KCTD8: variants seen among roughly 807,000 people sequenced by gnomAD.
The protein encoded by KCTD8 is potassium channel tetramerization domain containing 8, also known as BTB/POZ domain-containing protein KCTD8.
A neutral mutation model predicts 31.5 loss-of-function variants in KCTD8; 27 were observed. The observed-to-expected ratio is 0.86, with a 90% confidence interval of 0.63 to 1.18. The LOEUF (loss-of-function observed/expected upper bound fraction) is 1.18, where lower values mean the gene tolerates loss of function less well. KCTD8 is among the 50% of genes most tolerant of loss of function. The probability of loss-of-function intolerance (pLI) is 0.00; values close to 1 mark genes in which losing one functional copy is unlikely to be tolerated. For missense variants in KCTD8, 658 were observed against 647.7 expected, an observed-to-expected ratio of 1.02 and a Z score of -0.17; for synonymous variants, 290 against 280.0, an observed-to-expected ratio of 1.04 and a Z score of -0.36.
At chr4:44,182,100 C>A (rs1040641691) in intron 1 of KCTD8, among the ~76,000 whole-genome samples, 9 of 151,984 alleles carry the variant, frequency 5.9e-5, no homozygotes, top group African/African-American at 2.2e-4. Context: ...CGCCCGACAG[C>A]CGCCCCGTCC....
At chr4:44,410,778 G>A (rs1455677613) in intron 1 of KCTD8, among the ~76,000 whole-genome samples, 1 of 152,042 alleles carries the variant, frequency 6.6e-6, no homozygotes, top group African/African-American at 2.4e-5. Flanking sequence ...AACAGCATAG[G>A]AAGACCTGCC....
intron 1 of KCTD8, among the ~76,000 whole-genome samples, chr4:44,191,070 A>C (rs1435347893): frequency 6.6e-6 from 1 of 152,164 alleles, no homozygotes; most frequent in Non-Finnish European, 1.5e-5. Context: ...GAGGAACAAA[A>C]ATTGTGAAGA....
chr4:44,355,719 C>T (rs1302495027), intron 1 of KCTD8, among the ~76,000 whole-genome samples: 2 of 152,018 alleles, frequency 1.3e-5, no homozygotes, highest in Non-Finnish European at 1.5e-5. Context: ...CCAATCTCTT[C>T]GTGAAAATTA....
intron 1 of KCTD8, among the ~76,000 whole-genome samples, chr4:44,360,464 C>G (rs1289534704): frequency 6.6e-6 from 1 of 151,860 alleles, no homozygotes; most frequent in Non-Finnish European, 1.5e-5. Context: ...AAAATAAAAT[C>G]CAAGTTGCCA....
At chr4:44,346,045 T>TTTAACAAG (rs1435702693) in intron 1 of KCTD8, among the ~76,000 whole-genome samples, 1 of 152,176 alleles carries the variant, frequency 6.6e-6, no homozygotes, top group Non-Finnish European at 1.5e-5. Flanking sequence ...ATGCTGTAAT[T>TTTAACAAG]TTAACAAGTT....
chr4:44,175,207 A>G lies in KCTD8; in HGVS notation c.1005T>C (p.Asp335=), dbSNP rs780664122. The G allele has an allele frequency of 1.9e-6, 3 of 1,603,140 alleles. No individual in the cohort carries two copies. The highest frequency in any genetic ancestry group is 1.3e-5 in the African/African-American group (1 of 74,420). The part of the protein sequence containing the change: ...KIVSPKQEHE[D]RKHDKVTDKG... Reference sequence around the variant, plus strand: ...TATCAGTGACTTTGTCATGTTTCCTATCTTCATGTTCTTGTTTAGGTGATA... The same window carrying G: ...TATCAGTGACTTTGTCATGTTTCCTGTCTTCATGTTCTTGTTTAGGTGATA... Residue 335 remains aspartate (D), a synonymous_variant, in exon 2 of 2, where the codon GAT becomes GAC. Coordinates refer to ENST00000360029, the MANE Select transcript of KCTD8 (RefSeq NM_198353.3).
chr4:44,360,096 A>T (rs532668581), intron 1 of KCTD8, among the ~76,000 whole-genome samples: 1 of 152,146 alleles, frequency 6.6e-6, no homozygotes, highest in African/African-American at 2.4e-5. Context: ...GATAGAAGTT[A>T]GCGGCAATAC....
At chr4:44,291,693 C>T (rs924582060) in intron 1 of KCTD8, among the ~76,000 whole-genome samples, 5 of 152,004 alleles carry the variant, frequency 3.3e-5, no homozygotes, top group African/African-American at 1.2e-4. Context: ...AGACAACCTA[C>T]AGAATGGGTG....
intron 1 of KCTD8, among the ~76,000 whole-genome samples, chr4:44,398,561 T>C (rs1312948475): frequency 2.0e-5 from 3 of 152,216 alleles, no homozygotes; most frequent in African/African-American, 4.8e-5. Flanking sequence ...GGGTTTTCAC[T>C]TGATGGCCAT....
At chr4:44,429,281 T>C (rs1422928122) in intron 1 of KCTD8, among the ~76,000 whole-genome samples, 2 of 151,774 alleles carry the variant, frequency 1.3e-5, no homozygotes, top group Admixed American at 6.6e-5. Context: ...GGCTCACACA[T>C]TAGATTTTAT....
At chr4:44,329,243 T>C (rs1718532124) in intron 1 of KCTD8, among the ~76,000 whole-genome samples, 2 of 151,588 alleles carry the variant, frequency 1.3e-5, no homozygotes, top group South Asian at 4.1e-4. Flanking sequence ...CATGCTGAGA[T>C]ATCAAGAAAT....
At position 44,198,972 on chromosome 4, in the gene KCTD8, A is replaced by G. The variant is rs374820054; in HGVS notation, c.962-23722T>C. Among the ~76,000 whole-genome samples, 4 of 152,294 alleles carry G rather than the reference A, an allele frequency of 2.6e-5. No individual in the cohort carries two copies. In the East Asian group the frequency reaches 5.8e-4, roughly 22 times the overall value. ...GGAGAAAGAGCTACCAGGCAAACAGAAAACTAAAAAAGAGCAGGAGTTGCT... is the reference window on the plus strand; with the variant it reads ...GGAGAAAGAGCTACCAGGCAAACAGGAAACTAAAAAAGAGCAGGAGTTGCT... On this transcript the variant is annotated intron_variant, in intron 1 of 1. Transcript: ENST00000360029.
At chr4:44,214,790 G>C (rs984622361) in intron 1 of KCTD8, among the ~76,000 whole-genome samples, 3 of 152,264 alleles carry the variant, frequency 2.0e-5, no homozygotes, top group African/African-American at 4.8e-5. Flanking sequence ...CCTGCCTGAA[G>C]ACAAGACTGC....
At chr4:44,256,830 C>G (rs946140316) in intron 1 of KCTD8, among the ~76,000 whole-genome samples, 1 of 151,882 alleles carries the variant, frequency 6.6e-6, no homozygotes, top group African/African-American at 2.4e-5. Flanking sequence ...GCCCTGACAA[C>G]TCATTTTAGA....
chr4:44,283,201 C>T (rs1036835840), intron 1 of KCTD8, among the ~76,000 whole-genome samples: 4 of 151,954 alleles, frequency 2.6e-5, no homozygotes, highest in African/African-American at 9.7e-5. Context: ...GGGCATATGC[C>T]ACCATGCCCG....
chr4:44,391,355 C>T (rs184273206), intron 1 of KCTD8, among the ~76,000 whole-genome samples: 3 of 151,858 alleles, frequency 2.0e-5, no homozygotes, highest in East Asian at 2.0e-4. Flanking sequence ...CAATTGTGCC[C>T]GCCTCTTCTG....
intron 1 of KCTD8, among the ~76,000 whole-genome samples, chr4:44,439,457 C>T (rs1024359921): frequency 6.6e-6 from 1 of 152,058 alleles, no homozygotes; most frequent in Non-Finnish European, 1.5e-5. Context: ...TGAATAAGCA[C>T]AGAACTAGTT....
At chr4:44,444,510 C>T (rs558950366) in intron 1 of KCTD8, among the ~76,000 whole-genome samples, 38 of 152,062 alleles carry the variant, frequency 2.5e-4, no homozygotes, top group Non-Finnish European at 4.9e-4. Flanking sequence ...TTAATGTTGA[C>T]GAGAACAATA....
chr4:44,368,239 T>C (rs552481103), intron 1 of KCTD8, among the ~76,000 whole-genome samples: 1 of 152,138 alleles, frequency 6.6e-6, no homozygotes, highest in Non-Finnish European at 1.5e-5. Flanking sequence ...TAGCCAGGCA[T>C]GATGGCACCT....
Sources: allele counts gnomAD v4.1 joint callset (sites outside exome capture counted in the v4.1 genomes callset), GRCh38; gene constraint gnomAD v4.1.1; transcripts MANE v1.5; gene names NCBI Gene and HGNC (gene_info 2026-07-23, HGNC 2026-07-21).